APPL1: variants seen among roughly 807,000 people sequenced by gnomAD.
APPL1 encodes DCC-interacting protein 13-alpha.
In APPL1, 42 loss-of-function variants were observed where a neutral mutation model predicts 106.8. That is an observed-to-expected ratio of 0.39 (90% CI 0.31 to 0.51). APPL1 has a LOEUF of 0.51. Among genes scored for constraint, APPL1 ranks in the 20% least tolerant of loss-of-function variants. The probability of loss-of-function intolerance (pLI) is 0.75; values close to 1 mark genes in which losing one functional copy is unlikely to be tolerated. For missense variants in APPL1, 769 were observed against 858.2 expected, an observed-to-expected ratio of 0.90 and a Z score of 1.30; for synonymous variants, 263 against 281.8, an observed-to-expected ratio of 0.93 and a Z score of 0.67.
chr3:57,257,213 A>G lies in APPL1; in HGVS notation c.1248-33A>G, dbSNP rs1553637275. On this transcript the variant is annotated intron_variant, in intron 14 of 21. Transcript: ENST00000288266. ...AAATATTTAATATCCAAAAGGGAAA[A>G]TTAAATGCAATGCCTTCTTGTTTTA... The G allele has an allele frequency of 2.5e-6, 4 of 1,588,090 alleles. 1 individual carries two copies. In the South Asian group the frequency reaches 4.6e-5, roughly 18 times the overall value.
intron 19 of APPL1, among the ~76,000 whole-genome samples, chr3:57,261,743 C>G (rs896905433): frequency 2.0e-5 from 3 of 152,148 alleles, no homozygotes; most frequent in African/African-American, 7.2e-5. Flanking sequence ...TAGTCTTGAT[C>G]TCCTGACCTC....
At chr3:57,255,336 C>G (rs990501225) in intron 13 of APPL1, among the ~76,000 whole-genome samples, 1 of 152,150 alleles carries the variant, frequency 6.6e-6, no homozygotes, top group African/African-American at 2.4e-5. Flanking sequence ...GAGGCTCTCA[C>G]TCTTCTAAAT....
chr3:57,260,818 T>G (rs766270576), intron 19 of APPL1, 44 bp downstream of exon 19: 1 of 1,486,444 alleles, frequency 6.7e-7, no homozygotes, highest in Non-Finnish European at 9.0e-7. Context: ...CACTTACTAA[T>G]TGATTCTTAC....
At position 57,269,674 on chromosome 3, in the gene APPL1, A is replaced by G; in HGVS notation, c.2117A>G (p.Glu706Gly). The G allele has an allele frequency of 6.2e-7, 1 of 1,614,008 alleles. No homozygotes were observed. The highest frequency in any genetic ancestry group is 8.5e-7 in the Non-Finnish European group (1 of 1,179,940). The change falls in exon 22 of 22, where the codon GAA (glutamate) becomes GGA (glycine). Residue 706 changes from glutamate (E) to glycine (G), a missense_variant. Physicochemically the swap from Glu to Gly is moderately conservative, Grantham distance 98. Coordinates refer to ENST00000288266, the MANE Select transcript of APPL1 (RefSeq NM_012096.3). ...TTGGGAGAAGGAGGAAAGAAGAGAG[A>G]ATCAGAAGCATAAGCTTATACTTTT... The part of the protein sequence containing the change: ...SDLGEGGKKR[E>G]SEA
At chr3:57,235,779 A>G in intron 2 of APPL1, 115 bp downstream of exon 2, 4 of 637,034 alleles carry the variant, frequency 6.3e-6, no homozygotes. Flanking sequence ...GGCTCATAGT[A>G]ATAAATATTT....
chr3:57,271,194 T>C lies in APPL1; in HGVS notation c.*1507T>C, dbSNP rs1015028693. 5.9e-5 allele frequency: 9 copies of C among 151,642 alleles called. No homozygotes were observed. The highest frequency in any genetic ancestry group is 5.9e-4 in the Admixed American group (9 of 15,198). The allele number at this position is 151,642 out of a possible 1,614,324, so 9.4% of individuals were successfully genotyped here. A position where few individuals can be genotyped will look rare whatever the true frequency, so the allele number is the denominator to read the frequency against. On this transcript the variant is annotated 3_prime_UTR_variant, in exon 22 of 22. Coordinates refer to ENST00000288266, the MANE Select transcript of APPL1 (RefSeq NM_012096.3). The stretch of plus-strand genomic sequence containing the variant: ...TTCTGCATTAGAAATGGCATCTGTT[T>C]TAGGTCTCAAAATATAACTCAGCTG...
At chr3:57,258,997 A>G in intron 15 of APPL1, 31 bp from the exon 16 acceptor site, 5 of 1,558,996 alleles carry the variant, frequency 3.2e-6, no homozygotes, top group South Asian at 2.3e-5. Flanking sequence ...GTAACTGACC[A>G]TGTGTTCATA....
intron 19 of APPL1, among the ~76,000 whole-genome samples, chr3:57,263,835 C>T (rs1399974029): frequency 5.9e-5 from 9 of 151,630 alleles, no homozygotes; most frequent in East Asian, 1.9e-4. Context: ...TATTGTGAAC[C>T]GAGCTGCAGC....
intron 10 of APPL1, among the ~76,000 whole-genome samples, chr3:57,248,918 A>G (rs1409449756): frequency 2.0e-5 from 3 of 152,210 alleles, no homozygotes; most frequent in African/African-American, 7.2e-5. Context: ...AAATATTCAC[A>G]TATTGTATCA....
chr3:57,252,899 T>C (rs2060812496), intron 12 of APPL1, among the ~76,000 whole-genome samples: 1 of 152,238 alleles, frequency 6.6e-6, no homozygotes, highest in South Asian at 2.1e-4. Flanking sequence ...GTATCTTAGC[T>C]TGATTTTTAG....
At position 57,235,645 on chromosome 3, in the gene APPL1, A is replaced by T. The variant is rs529656946; in HGVS notation, c.134A>T (p.His45Leu). 6 of 1,613,048 alleles carry T rather than the reference A, an allele frequency of 3.7e-6. No homozygotes were observed. The highest frequency in any genetic ancestry group is 5.1e-6 in the Non-Finnish European group (6 of 1,179,398). The change falls in exon 2 of 22, where the codon CAT becomes CTT. Residue 45 changes from histidine (H) to leucine (L), a missense_variant. His to Leu is a moderately conservative substitution (Grantham distance 99). Transcript: ENST00000288266. ...ATGAACCAGTTGTATCAAGCTATGC[A>T]TCGGATTTATGATGCACAGGTAAAA... is the stretch of plus-strand genomic sequence containing the variant. Reference protein sequence around the residue: ...NYMNQLYQAMHRIYDAQNELS... With the variant: ...NYMNQLYQAMLRIYDAQNELS...
chr3:57,254,711 G>A (rs1362521652), intron 13 of APPL1, among the ~76,000 whole-genome samples: 47 of 152,268 alleles, frequency 3.1e-4, no homozygotes, highest in African/African-American at 1.0e-3. Context: ...TGCAGCCTCT[G>A]CCTCCCGGGT....
At position 57,271,214 on chromosome 3, in the gene APPL1, C is replaced by T. The variant is rs1559517560; in HGVS notation, c.*1527C>T. 1.4e-5 allele frequency: 2 copies of T among 145,236 alleles called. No individual in the cohort carries two copies. 9.0% of individuals were successfully genotyped at this position (145,236 alleles called of 1,614,324 possible). A position where few individuals can be genotyped will look rare whatever the true frequency, so the allele number is the denominator to read the frequency against. On this transcript the variant is annotated 3_prime_UTR_variant, in exon 22 of 22. Transcript: ENST00000288266. Reference sequence around the variant, plus strand: ...CTGTTTTAGGTCTCAAAATATAACTCAGCTGTTTCACACTGTATATGTACA... The same window carrying T: ...CTGTTTTAGGTCTCAAAATATAACTTAGCTGTTTCACACTGTATATGTACA...
chr3:57,255,817 A>T (rs970781479), intron 13 of APPL1, among the ~76,000 whole-genome samples: 4 of 152,206 alleles, frequency 2.6e-5, no homozygotes, highest in Non-Finnish European at 5.9e-5. Flanking sequence ...CAAATTAAAT[A>T]ATTTATTTTA....
At chr3:57,229,507 C>T (rs1579375844) in intron 1 of APPL1, among the ~76,000 whole-genome samples, 1 of 151,256 alleles carries the variant, frequency 6.6e-6, no homozygotes, top group Middle Eastern at 3.4e-3. Context: ...ATGCATCATA[C>T]TAGTGTCCGT....
At chr3:57,243,924 G>GA (rs1184600575) in intron 7 of APPL1, among the ~76,000 whole-genome samples, 1 of 152,036 alleles carries the variant, frequency 6.6e-6, no homozygotes, top group Admixed American at 6.6e-5. Flanking sequence ...TACCTTGGGG[G>GA]AACAACATGA....
intron 7 of APPL1, among the ~76,000 whole-genome samples, chr3:57,244,261 T>C (rs2060761279): frequency 6.6e-6 from 1 of 151,912 alleles, no homozygotes; most frequent in Admixed American, 6.6e-5. Context: ...GTTCAAGTGA[T>C]CCTCCTGTTT....
At chr3:57,237,721 G>T (rs1230783779) in intron 3 of APPL1, among the ~76,000 whole-genome samples, 170 bp downstream of exon 3, 1 of 152,046 alleles carries the variant, frequency 6.6e-6, no homozygotes, top group Non-Finnish European at 1.5e-5. Context: ...AAATACAGAG[G>T]CTATCTAGTT....
In APPL1 at chr3:57,259,269, T is replaced by C. The variant is rs925566; in HGVS notation, c.1483+189T>C. Among the ~76,000 whole-genome samples the C allele has an allele frequency of 0.38, 58,047 of 152,128 alleles. 12,769 individuals carry two copies. The highest frequency in any genetic ancestry group is 0.85 in the East Asian group (4,404 of 5,188). ...ATCTGACTTAAGATGTTGTGATTCA[T>C]ACAAAACGATAGACTCTCATACTTT... is the stretch of plus-strand genomic sequence containing the variant. On this transcript the variant is annotated intron_variant, in intron 16 of 21. Coordinates refer to ENST00000288266, the MANE Select transcript of APPL1 (RefSeq NM_012096.3).
Sources: gnomAD v4.1 joint callset for allele counts (sites outside exome capture counted in the v4.1 genomes callset) on GRCh38, gnomAD v4.1.1 for gene constraint, MANE v1.5 for transcripts, NCBI Gene and HGNC (gene_info 2026-07-23, HGNC 2026-07-21) for gene names.